Variants in SLC38A8 observed in about 807,000 individuals in gnomAD.
SLC38A8 encodes the protein amino acid transporter SLC38A8.
Under a neutral mutation model 46.0 loss-of-function variants are expected in SLC38A8, and 65 were observed. That is an observed-to-expected ratio of 1.41 (90% CI 1.16 to 1.74). The LOEUF is 1.74. Among genes scored for constraint, SLC38A8 ranks in the 40% most tolerant of loss-of-function variants. SLC38A8 has a pLI of 0.00. For synonymous variants in SLC38A8, 447 were observed against 243.7 expected (o/e 1.83, Z -7.77); for missense variants, 998 against 567.9 (o/e 1.76, Z -7.70).
chr16:84,032,000 G>A (rs1413555994), intron 4 of SLC38A8, 32 bp from the exon 5 acceptor site: 1 of 1,583,096 alleles, frequency 6.3e-7, no homozygotes, highest in Non-Finnish European at 8.7e-7. Flanking sequence ...GGGCTGCGCA[G>A]TGGGTGACAT....
chr16:84,039,477 G>A (rs1422500232), intron 2 of SLC38A8, among the ~76,000 whole-genome samples: 1 of 152,152 alleles, frequency 6.6e-6, no homozygotes, highest in Non-Finnish European at 1.5e-5. Context: ...GGGTACGGTG[G>A]CTCATGGCTG....
rs537919476 is a variant in SLC38A8, at chr16:84,010,821, C to T, written c.1215-944G>A. On this transcript the variant is annotated intron_variant, in intron 10 of 10. Coordinates refer to ENST00000299709, the MANE Select transcript of SLC38A8 (RefSeq NM_001080442.3). ...CCACCCTCCCTTTCTGTTCCTCAGC[C>T]TCTGATGAAATCCCATGAAAATGAA... Among the ~76,000 whole-genome samples the T allele has an allele frequency of 7.7e-4, 117 of 152,200 alleles. 2 individuals carry two copies. The South Asian group carries it at 0.016, about 20-fold the overall frequency.
At chr16:84,031,220 A>T (rs1344045184) in intron 5 of SLC38A8, among the ~76,000 whole-genome samples, 1 of 151,856 alleles carries the variant, frequency 6.6e-6, no homozygotes, top group Admixed American at 6.6e-5. Context: ...TTATATTTTT[A>T]TGTAGAGACA....
At chr16:84,014,265 G>T (rs1160306443) in intron 9 of SLC38A8, among the ~76,000 whole-genome samples, 7 of 150,360 alleles carry the variant, frequency 4.7e-5, no homozygotes, top group Admixed American at 4.6e-4. Flanking sequence ...AAGCCACAAG[G>T]CCACACCCCT....
intron 2 of SLC38A8, among the ~76,000 whole-genome samples, chr16:84,039,646 G>C (rs973112974): frequency 6.6e-6 from 1 of 151,946 alleles, no homozygotes; most frequent in African/African-American, 2.4e-5. Context: ...CTTGGGAGGA[G>C]GCTGGGCAGG....
At chr16:84,017,038 T>C (rs1013574991) in intron 8 of SLC38A8, 102 bp downstream of exon 8, 11 of 1,463,850 alleles carry the variant, frequency 7.5e-6, no homozygotes, top group Non-Finnish European at 1.0e-5. Flanking sequence ...TTGGAGAGGA[T>C]GGTAGTCCCA....
chr16:84,017,799 G>C (rs9932738), intron 7 of SLC38A8, among the ~76,000 whole-genome samples: 31 of 152,150 alleles, frequency 2.0e-4, no homozygotes, highest in African/African-American at 7.5e-4. Context: ...ACCCCGGGTT[G>C]CCTGCCCTGT....
intron 3 of SLC38A8, 122 bp downstream of exon 3, chr16:84,036,580 T>C: frequency 1.8e-6 from 2 of 1,124,202 alleles, no homozygotes; most frequent in Non-Finnish European, 2.6e-6. Flanking sequence ...AGAGTGTGGT[T>C]TCAGCCTCTG....
At chr16:84,023,310 G>A (rs761715253) in intron 6 of SLC38A8, among the ~76,000 whole-genome samples, 28 of 152,268 alleles carry the variant, frequency 1.8e-4, no homozygotes, top group Middle Eastern at 3.4e-3. Context: ...GGGTACAGGA[G>A]CAGGACTTGC....
At position 84,022,872 on chromosome 16, in the gene SLC38A8, G is replaced by T; in HGVS notation, c.708C>A (p.Val236=). 6.2e-7 allele frequency: 1 copy of T among 1,606,850 alleles called. No individual in the cohort carries two copies. ...GTTTGCGCATGCTGCAGTAGATGGA[G>T]ACGGCAGCTTCGTGACACTGTAAGA... ...CFGFQCHEAA[V]SIYCSMRKRS... Residue 236 remains valine, a synonymous_variant, in exon 7 of 11, where the codon GTC becomes GTA. Transcript: ENST00000299709.
At chr16:84,016,273 G>C (rs1439929977) in intron 9 of SLC38A8, among the ~76,000 whole-genome samples, 1 of 152,206 alleles carries the variant, frequency 6.6e-6, no homozygotes, top group South Asian at 2.1e-4. Context: ...TACAGTTCAA[G>C]GTGAGATTTG....
At position 84,009,815 on chromosome 16, in the gene SLC38A8, C is replaced by A. The variant is rs747810801; in HGVS notation, c.1277G>T (p.Ser426Ile). 6.2e-7 allele frequency: 1 copy of A among 1,613,944 alleles called. No individual in the cohort carries two copies. The highest frequency in any genetic ancestry group is 8.5e-7 in the Non-Finnish European group (1 of 1,179,978). Residue 426 changes from serine to isoleucine, a missense_variant, in exon 11 of 11, where the codon AGC (serine) becomes ATC (isoleucine). Physicochemically the swap from Ser to Ile is moderately radical, Grantham distance 142. Coordinates refer to ENST00000299709, the MANE Select transcript of SLC38A8 (RefSeq NM_001080442.3). The stretch of plus-strand genomic sequence containing the variant: ...CATCTCCCAGACCGCTGCCGCCGTG[C>A]TCTGCCCAAAGATGAAGGTGCCGAC... ...VLVGTFIFGQ[S>I]TAAAVWEMF
intron 6 of SLC38A8, among the ~76,000 whole-genome samples, chr16:84,027,224 C>A (rs2085174500): frequency 6.6e-6 from 1 of 152,140 alleles, no homozygotes; most frequent in African/African-American, 2.4e-5. Context: ...GTGACAGGCG[C>A]CTGTAATCCC....
intron 10 of SLC38A8, 144 bp downstream of exon 10, chr16:84,012,857 G>A (rs987646028): frequency 3.2e-6 from 3 of 929,994 alleles, no homozygotes; most frequent in Non-Finnish European, 5.0e-6. Flanking sequence ...ATACTGGGTA[G>A]ACAGAGACTC....
chr16:84,024,497 G>A (rs565403474), intron 6 of SLC38A8, among the ~76,000 whole-genome samples: 63 of 152,036 alleles, frequency 4.1e-4, no homozygotes, highest in Middle Eastern at 6.8e-3. Context: ...AATTTTAAAC[G>A]CAGGAGGGAG....
chr16:84,018,014 A>G (rs1189142769), intron 7 of SLC38A8, among the ~76,000 whole-genome samples: 1 of 152,082 alleles, frequency 6.6e-6, no homozygotes, highest in African/African-American at 2.4e-5. Context: ...TAACCACAGT[A>G]TCTTAGTCCA....
rs539355845 is a variant in SLC38A8, at chr16:84,010,563, G to A, written c.1215-686C>T. Among the ~76,000 whole-genome samples the A allele has an allele frequency of 8.5e-5, 13 of 152,062 alleles. No homozygotes were observed. The South Asian group carries it at 1.9e-3, about 22-fold the overall frequency. On this transcript the variant is annotated intron_variant, in intron 10 of 10. Transcript: ENST00000299709. Reference sequence around the variant, plus strand: ...TCAAGACCAGCCTGGCCAACATGGTGAAACCCCATCTCTACTAAAAATAAA... The same window carrying A: ...TCAAGACCAGCCTGGCCAACATGGTAAAACCCCATCTCTACTAAAAATAAA...
At chr16:84,026,317 C>A (rs1443745755) in intron 6 of SLC38A8, among the ~76,000 whole-genome samples, 1 of 152,220 alleles carries the variant, frequency 6.6e-6, no homozygotes, top group Admixed American at 6.5e-5. Flanking sequence ...GCAACCTCCA[C>A]ATCCTGGGTT....
intron 2 of SLC38A8, among the ~76,000 whole-genome samples, chr16:84,037,383 C>T (rs1221050525): frequency 6.9e-6 from 1 of 144,818 alleles, no homozygotes; most frequent in Non-Finnish European, 1.5e-5. Context: ...GGGGCGGCAC[C>T]GCCCCCTTGC....
Sources: allele counts gnomAD v4.1 joint callset (sites outside exome capture counted in the v4.1 genomes callset), GRCh38; gene constraint gnomAD v4.1.1; transcripts MANE v1.5; gene names NCBI Gene and HGNC (gene_info 2026-07-23, HGNC 2026-07-21).